PTPRD: variants seen among roughly 807,000 people sequenced by gnomAD.
The protein encoded by PTPRD is protein tyrosine phosphatase receptor type D, also known as receptor-type tyrosine-protein phosphatase delta.
PTPRD carries 34 observed loss-of-function variants against 214.5 expected under a neutral mutation model. That is an observed-to-expected ratio of 0.16 (90% CI 0.12 to 0.21). The LOEUF (loss-of-function observed/expected upper bound fraction) is 0.21. Among genes scored for constraint, PTPRD ranks in the 10% least tolerant of loss-of-function variants. The probability of loss-of-function intolerance (pLI) is 1.00; values close to 1 mark genes in which losing one functional copy is unlikely to be tolerated. For missense variants in PTPRD, 2,545 were observed against 2,398.7 expected (o/e 1.06, Z -1.27); for synonymous variants, 1,128 against 845.7 (o/e 1.33, Z -5.79).
chr9:9,536,481 T>C (rs1315542099), intron 8 of PTPRD, among the ~76,000 whole-genome samples: 3 of 152,094 alleles, frequency 2.0e-5, no homozygotes, highest in African/African-American at 4.8e-5. Flanking sequence ...GAATCAGTAA[T>C]ATCCATGCAT....
chr9:8,409,395 G>T (rs886563161), intron 35 of PTPRD, among the ~76,000 whole-genome samples: 3 of 152,116 alleles, frequency 2.0e-5, no homozygotes, highest in African/African-American at 7.2e-5. Context: ...TTCCTTGAAG[G>T]TTTCACACTT....
At chr9:8,965,878 G>C (rs139391635) in intron 11 of PTPRD, among the ~76,000 whole-genome samples, 61 of 152,184 alleles carry the variant, frequency 4.0e-4, no homozygotes, top group African/African-American at 1.4e-3. Context: ...TGATCCTATA[G>C]TTAGAAAACC....
chr9:9,618,999 G>A (rs2095070289), intron 7 of PTPRD, among the ~76,000 whole-genome samples: 2 of 152,098 alleles, frequency 1.3e-5, no homozygotes, highest in Non-Finnish European at 2.9e-5. Flanking sequence ...CAAGAAGAAT[G>A]TTTCTGAAAC....
At chr9:9,169,374 C>A (rs2099910183) in intron 10 of PTPRD, among the ~76,000 whole-genome samples, 1 of 151,908 alleles carries the variant, frequency 6.6e-6, no homozygotes. Flanking sequence ...TTTCAAAGAC[C>A]TTTTGATAAT....
At chr9:8,753,036 G>A (rs376888255) in intron 11 of PTPRD, among the ~76,000 whole-genome samples, 3 of 152,150 alleles carry the variant, frequency 2.0e-5, no homozygotes, top group East Asian at 3.9e-4. Flanking sequence ...AGGTAACTTG[G>A]CTTCTTACGG....
At chr9:8,746,681 G>T (rs1379051350) in intron 11 of PTPRD, among the ~76,000 whole-genome samples, 1 of 152,110 alleles carries the variant, frequency 6.6e-6, no homozygotes, top group African/African-American at 2.4e-5. Context: ...AGAAAATGTT[G>T]AATAAAAACA....
At chr9:10,038,995 T>C (rs914104308) in intron 3 of PTPRD, among the ~76,000 whole-genome samples, 1 of 152,044 alleles carries the variant, frequency 6.6e-6, no homozygotes, top group Non-Finnish European at 1.5e-5. Context: ...ACAGTGAGTC[T>C]AGGTACAAAA....
At chr9:9,019,281 GAAGA>G (rs1234982087) in intron 10 of PTPRD, among the ~76,000 whole-genome samples, 1,724 of 72,158 alleles carry the variant, frequency 0.024, 56 homozygotes, top group East Asian at 0.097. Context: ...GAAAAAGAAA[GAAGA>G]AAGAAAGAAA....
At chr9:10,308,909 A>G (rs550560846) in intron 3 of PTPRD, among the ~76,000 whole-genome samples, 106 of 152,212 alleles carry the variant, frequency 7.0e-4, no homozygotes, top group African/African-American at 2.4e-3. Flanking sequence ...TATTATAAAA[A>G]TGTTGCAATA....
intron 12 of PTPRD, among the ~76,000 whole-genome samples, chr9:8,726,028 C>G (rs1314347215): frequency 1.1e-5 from 1 of 91,208 alleles, no homozygotes; most frequent in Non-Finnish European, 2.5e-5. Flanking sequence ...GACAGACAGA[C>G]ACACACACAC....
intron 12 of PTPRD, among the ~76,000 whole-genome samples, chr9:8,656,784 T>C (rs1157851184): frequency 1.3e-5 from 2 of 152,178 alleles, no homozygotes; most frequent in Non-Finnish European, 2.9e-5. Flanking sequence ...CTGGGAATAC[T>C]CCCTACTGCT....
intron 12 of PTPRD, among the ~76,000 whole-genome samples, chr9:8,689,958 A>C (rs938293237): frequency 6.6e-6 from 1 of 152,032 alleles, no homozygotes; most frequent in Non-Finnish European, 1.5e-5. Context: ...AAAATAAAAA[A>C]TTAGCTGGGC....
intron 11 of PTPRD, among the ~76,000 whole-genome samples, chr9:8,943,013 A>T (rs2099042923): frequency 6.6e-6 from 1 of 152,178 alleles, no homozygotes; most frequent in Non-Finnish European, 1.5e-5. Flanking sequence ...TAATCTGAAA[A>T]AGAAATCAAG....
At chr9:9,066,539 T>A (rs925438348) in intron 10 of PTPRD, among the ~76,000 whole-genome samples, 3 of 133,276 alleles carry the variant, frequency 2.3e-5, no homozygotes, top group Non-Finnish European at 3.4e-5. Flanking sequence ...TGTGACCTCA[T>A]ATGACCAACA....
chr9:10,309,254 C>A (rs954304870), intron 3 of PTPRD, among the ~76,000 whole-genome samples: 71 of 152,098 alleles, frequency 4.7e-4, no homozygotes, highest in African/African-American at 1.6e-3. Flanking sequence ...TTCTCCTTTT[C>A]TTATTTTCTT....
chr9:9,335,514 T>C (rs2044095321), intron 9 of PTPRD, among the ~76,000 whole-genome samples: 2 of 152,096 alleles, frequency 1.3e-5, no homozygotes, highest in African/African-American at 4.8e-5. Context: ...CCTTACTAAG[T>C]CTGTTTGAAT....
chr9:9,246,474 T>C (rs1242596147), intron 9 of PTPRD, among the ~76,000 whole-genome samples: 2 of 152,084 alleles, frequency 1.3e-5, no homozygotes, highest in Non-Finnish European at 2.9e-5. Context: ...TAGAAAAATC[T>C]GTCAGTTTGC....
intron 11 of PTPRD, among the ~76,000 whole-genome samples, chr9:8,840,077 G>T (rs904556815): frequency 6.6e-6 from 1 of 152,136 alleles, no homozygotes; most frequent in Non-Finnish European, 1.5e-5. Context: ...TACTTTTATG[G>T]CTTTGAAATA....
At chr9:8,938,778 G>C (rs1430061125) in intron 11 of PTPRD, among the ~76,000 whole-genome samples, 1 of 151,984 alleles carries the variant, frequency 6.6e-6, no homozygotes, top group Non-Finnish European at 1.5e-5. Flanking sequence ...TGTCTTTGTG[G>C]ACACATTTTC....
Sources: gnomAD v4.1 joint callset for allele counts (sites outside exome capture counted in the v4.1 genomes callset) on GRCh38, gnomAD v4.1.1 for gene constraint, MANE v1.5 for transcripts, NCBI Gene and HGNC (gene_info 2026-07-23, HGNC 2026-07-21) for gene names.